The following RIMS2 variants were observed in gnomAD, a reference collection of about 807,000 sequenced individuals.
RIMS2 encodes regulating synaptic membrane exocytosis protein 2.
In RIMS2, 59 loss-of-function variants were observed where a neutral mutation model predicts 174.4. That is an observed-to-expected ratio of 0.34 (90% CI 0.27 to 0.42). The LOEUF is 0.42. Among genes scored for constraint, RIMS2 ranks in the 10% least tolerant of loss-of-function variants. The probability of loss-of-function intolerance (pLI) is 1.00; values close to 1 mark genes in which losing one functional copy is unlikely to be tolerated. For synonymous variants in RIMS2, 606 were observed against 572.5 expected, an observed-to-expected ratio of 1.06 and a Z score of -0.84; for missense variants, 1,620 against 1,666.3, an observed-to-expected ratio of 0.97 and a Z score of 0.48.
Position 104,248,473 on chromosome 8 carries a change from C to A in RIMS2, c.3477-228C>A, listed in dbSNP as rs375484342. Among the ~76,000 whole-genome samples the A allele has an allele frequency of 7.2e-5, 11 of 152,312 alleles. No individual in the cohort carries two copies. In the East Asian group the frequency reaches 1.7e-3, roughly 24 times the overall value. ...ACCAAGGAAGAGAAAGACTCACCAGCAGAAGCCTGCAGTGCAGTGTGACAG... is the reference window on the plus strand; with the variant it reads ...ACCAAGGAAGAGAAAGACTCACCAGAAGAAGCCTGCAGTGCAGTGTGACAG... On this transcript the variant is annotated intron_variant, in intron 20 of 23. Transcript: ENST00000504942.
At chr8:103,883,791 A>G (rs2099183283) in intron 3 of RIMS2, among the ~76,000 whole-genome samples, 1 of 151,798 alleles carries the variant, frequency 6.6e-6, no homozygotes, top group Non-Finnish European at 1.5e-5. Context: ...AGATGGGCAG[A>G]TATAAAAGTC....
chr8:103,977,233 C>T (rs148346428), intron 16 of RIMS2: 2 of 152,190 alleles, frequency 1.3e-5, no homozygotes, highest in East Asian at 3.9e-4. Flanking sequence ...CAATATCTGA[C>T]ATATTAAGTT....
chr8:104,062,332 A>C (rs1341193004), intron 19 of RIMS2, among the ~76,000 whole-genome samples: 2 of 152,274 alleles, frequency 1.3e-5, no homozygotes, highest in East Asian at 3.9e-4. Flanking sequence ...TCAACCCAGG[A>C]GGCAGAGTTT....
At chr8:103,523,266 T>G (rs1832569514) in intron 1 of RIMS2, among the ~76,000 whole-genome samples, 1 of 152,146 alleles carries the variant, frequency 6.6e-6, no homozygotes, top group Non-Finnish European at 1.5e-5. Context: ...ACTGTGCAGA[T>G]TCATCATTTG....
intron 19 of RIMS2, among the ~76,000 whole-genome samples, chr8:104,131,122 T>C (rs1423429426): frequency 6.6e-6 from 1 of 152,222 alleles, no homozygotes; most frequent in Non-Finnish European, 1.5e-5. Flanking sequence ...ATCCGTAAAA[T>C]AGACATCATA....
chr8:103,925,525 C>A (rs2078605384), intron 10 of RIMS2, among the ~76,000 whole-genome samples: 1 of 151,350 alleles, frequency 6.6e-6, no homozygotes, highest in South Asian at 2.1e-4. Flanking sequence ...GATAGTAGTG[C>A]AATTAATAGT....
chr8:103,582,569 T>G (rs551971879), intron 1 of RIMS2, among the ~76,000 whole-genome samples: 1 of 152,212 alleles, frequency 6.6e-6, no homozygotes, highest in East Asian at 1.9e-4. Context: ...CCTGGAAGGG[T>G]GAGTCCCAGG....
At chr8:103,548,534 C>A (rs1846132818) in intron 1 of RIMS2, among the ~76,000 whole-genome samples, 1 of 152,064 alleles carries the variant, frequency 6.6e-6, no homozygotes, top group Admixed American at 6.6e-5. Context: ...TAATAAGAGC[C>A]ATCTATGTAA....
intron 2 of RIMS2, among the ~76,000 whole-genome samples, chr8:103,747,674 A>G (rs2097839984): frequency 6.6e-6 from 1 of 152,072 alleles, no homozygotes; most frequent in African/African-American, 2.4e-5. Context: ...TTATGATGGA[A>G]TATATGTAGA....
intron 3 of RIMS2, among the ~76,000 whole-genome samples, chr8:103,846,922 C>T (rs191894744): frequency 2.8e-4 from 43 of 152,182 alleles, no homozygotes; most frequent in Non-Finnish European, 4.0e-4. Context: ...ATAGTTGCAG[C>T]GTGACTTGGG....
chr8:104,034,935 TGATATTTTAATTACCACACAAAAAA>T (rs1278796382), intron 19 of RIMS2, among the ~76,000 whole-genome samples: 2 of 152,194 alleles, frequency 1.3e-5, no homozygotes, highest in African/African-American at 4.8e-5. Flanking sequence ...TATTTTAAGC[TGATATTTTAATTACCACACAAAAAA>T]GTAGTGGGAA....
At chr8:104,067,295 C>A (rs2097122502) in intron 19 of RIMS2, among the ~76,000 whole-genome samples, 1 of 152,070 alleles carries the variant, frequency 6.6e-6, no homozygotes, top group Non-Finnish European at 1.5e-5. Context: ...GTTCACTAAG[C>A]TCATTTTTCC....
intron 4 of RIMS2, among the ~76,000 whole-genome samples, chr8:103,886,886 G>A (rs1228827408): frequency 6.6e-6 from 1 of 150,784 alleles, no homozygotes; most frequent in Admixed American, 6.6e-5. Context: ...CTTTATTTGG[G>A]GCATTGCTGT....
At chr8:103,523,958 C>T (rs1201873598) in intron 1 of RIMS2, among the ~76,000 whole-genome samples, 1 of 152,010 alleles carries the variant, frequency 6.6e-6, no homozygotes, top group Non-Finnish European at 1.5e-5. Flanking sequence ...TGCCTTTAGT[C>T]TTCAAAACTA....
At chr8:103,791,437 G>A (rs928712431) in intron 3 of RIMS2, among the ~76,000 whole-genome samples, 3 of 152,184 alleles carry the variant, frequency 2.0e-5, no homozygotes, top group African/African-American at 4.8e-5. Flanking sequence ...ACATGAAAAG[G>A]AACAACCCGT....
chr8:103,961,702 C>T (rs577881421), intron 15 of RIMS2, among the ~76,000 whole-genome samples: 2 of 152,018 alleles, frequency 1.3e-5, no homozygotes, highest in South Asian at 2.1e-4. Flanking sequence ...CATGTAATAC[C>T]TTTAATATTG....
At chr8:103,654,207 C>T (rs1413913815) in intron 1 of RIMS2, among the ~76,000 whole-genome samples, 1 of 151,788 alleles carries the variant, frequency 6.6e-6, no homozygotes, top group African/African-American at 2.4e-5. Context: ...ATAATCAAGA[C>T]TGTGCCATAT....
At chr8:103,891,757 T>C (rs1187971047) in intron 4 of RIMS2, among the ~76,000 whole-genome samples, 1 of 152,100 alleles carries the variant, frequency 6.6e-6, no homozygotes, top group African/African-American at 2.4e-5. Flanking sequence ...AGTTTTGAAA[T>C]TAGCACAACA....
At chr8:104,125,064 G>A (rs1482477340) in intron 19 of RIMS2, among the ~76,000 whole-genome samples, 34 of 152,138 alleles carry the variant, frequency 2.2e-4, no homozygotes, top group Admixed American at 1.7e-3. Flanking sequence ...GAGAATCAGC[G>A]GTAGAGGAAA....
Sources: allele counts gnomAD v4.1 joint callset (sites outside exome capture counted in the v4.1 genomes callset), GRCh38; gene constraint gnomAD v4.1.1; transcripts MANE v1.5; gene names NCBI Gene and HGNC (gene_info 2026-07-23, HGNC 2026-07-21).